CRHR1: variants seen among roughly 807,000 people sequenced by gnomAD.
CRHR1 encodes the protein corticotropin releasing hormone receptor 1, also known as corticotropin-releasing hormone receptor 1.
A neutral mutation model predicts 56.0 loss-of-function variants in CRHR1; 28 were observed. The ratio of observed to expected loss-of-function variants is 0.50; its 90% CI spans 0.37 to 0.69. CRHR1 has a LOEUF of 0.69. CRHR1 is among the 30% of genes least tolerant of loss of function. The pLI is 0.00. For synonymous variants in CRHR1, 195 were observed against 216.5 expected, an observed-to-expected ratio of 0.90 and a Z score of 0.87; for missense variants, 376 against 548.0, an observed-to-expected ratio of 0.69 and a Z score of 3.13.
At chr17:45,829,666 T>C (rs1019989915) in intron 5 of CRHR1, 2 of 1,549,030 alleles carry the variant, frequency 1.3e-6, no homozygotes, top group Non-Finnish European at 1.7e-6. Flanking sequence ...GCCCCAGCAC[T>C]ACCGCCAAGG....
intron 1 of CRHR1, among the ~76,000 whole-genome samples, chr17:45,805,199 T>G (rs1289031076): frequency 6.6e-6 from 1 of 152,220 alleles, no homozygotes; most frequent in East Asian, 1.9e-4. Context: ...ATCTTTCCTT[T>G]AAAAAGTTTT....
chr17:45,793,164 G>A (rs929465473), intron 1 of CRHR1, among the ~76,000 whole-genome samples: 3 of 152,238 alleles, frequency 2.0e-5, no homozygotes, highest in African/African-American at 7.2e-5. Flanking sequence ...GCTTATCAAG[G>A]GCTACGCGGC....
rs995951329 is a variant in CRHR1, at chr17:45,807,615, A to C, written c.121+518A>C. On this transcript the variant is annotated intron_variant, in intron 2 of 12. Coordinates refer to ENST00000314537, the MANE Select transcript of CRHR1 (RefSeq NM_004382.5). ...GTTGCCCCCATTTTACACATAAGAA[A>C]ACTGAGGCACAGAGAACTAGTAAGC... is the stretch of plus-strand genomic sequence containing the variant. Among the ~76,000 whole-genome samples, 3 of 152,284 alleles carry C rather than the reference A, an allele frequency of 2.0e-5. No homozygotes were observed. The East Asian group carries it at 5.8e-4, about 29-fold the overall frequency.
chr17:45,823,098 C>T (rs892063690), intron 4 of CRHR1, among the ~76,000 whole-genome samples: 2 of 149,190 alleles, frequency 1.3e-5, no homozygotes, highest in East Asian at 2.0e-4. Flanking sequence ...GAGCCCAGAT[C>T]GCGCCACAGC....
intron 1 of CRHR1, among the ~76,000 whole-genome samples, chr17:45,788,027 G>T (rs1422364882): frequency 5.3e-5 from 8 of 152,222 alleles, no homozygotes; most frequent in Non-Finnish European, 8.8e-5. Context: ...GAGCCAGTGA[G>T]GACGAGCTCA....
chr17:45,793,228 G>T (rs374050079), intron 1 of CRHR1, among the ~76,000 whole-genome samples: 1 of 152,238 alleles, frequency 6.6e-6, no homozygotes, highest in Admixed American at 6.5e-5. Flanking sequence ...TTCCGCCTCC[G>T]GTCCCCATAG....
In CRHR1 at chr17:45,835,088, T is replaced by C. The variant is rs2316765; in HGVS notation, c.*324T>C. ...CAGCACGCATGTCCCTCCAAGGCTG[T>C]CTTCTCCCAGAGCACAAGAAGGCCA... On this transcript the variant is annotated 3_prime_UTR_variant, in exon 13 of 13. Transcript: ENST00000314537. 53,435 of 340,356 alleles carry C rather than the reference T, an allele frequency of 0.16. 5,441 individuals are homozygous for C. The highest frequency in any genetic ancestry group is 0.21 in the Non-Finnish European group (39,328 of 185,600). The allele number at this position is 340,356 out of a possible 1,614,324, so 21.1% of individuals were successfully genotyped here.
At chr17:45,792,891 T>C (rs1245675999) in intron 1 of CRHR1, among the ~76,000 whole-genome samples, 2 of 152,020 alleles carry the variant, frequency 1.3e-5, no homozygotes, top group African/African-American at 4.8e-5. Context: ...GACTATGAGC[T>C]CTGCCTAGAC....
At chr17:45,792,323 C>T (rs1387075532) in intron 1 of CRHR1, among the ~76,000 whole-genome samples, 3 of 152,290 alleles carry the variant, frequency 2.0e-5, no homozygotes, top group Middle Eastern at 3.4e-3. Flanking sequence ...CTCCCAGGTT[C>T]TTTTAAGCAG....
intron 1 of CRHR1, among the ~76,000 whole-genome samples, chr17:45,787,076 C>A (rs2146248042): frequency 6.6e-6 from 1 of 152,322 alleles, no homozygotes; most frequent in Middle Eastern, 3.4e-3. Flanking sequence ...CCATCCCCAA[C>A]AAGTCAGCCA....
intron 2 of CRHR1, among the ~76,000 whole-genome samples, chr17:45,815,151 C>G (rs533531416): frequency 1.3e-5 from 2 of 152,354 alleles, no homozygotes; most frequent in East Asian, 3.9e-4. Flanking sequence ...AGGCTGCCCC[C>G]ACACGCGCTG....
chr17:45,804,234 G>A (rs78489072), intron 1 of CRHR1, among the ~76,000 whole-genome samples: 3 of 152,206 alleles, frequency 2.0e-5, no homozygotes, highest in African/African-American at 7.2e-5. Flanking sequence ...TGAGTGTCCC[G>A]TGTGCAGAGC....
chr17:45,795,599 G>A (rs1598400926), intron 1 of CRHR1, among the ~76,000 whole-genome samples: 1 of 152,290 alleles, frequency 6.6e-6, no homozygotes, highest in East Asian at 1.9e-4. Context: ...CTCCAGGTGA[G>A]AATCTCTGAG....
At chr17:45,792,191 G>A (rs947916157) in intron 1 of CRHR1, among the ~76,000 whole-genome samples, 7 of 152,152 alleles carry the variant, frequency 4.6e-5, no homozygotes, top group African/African-American at 9.7e-5. Context: ...CTTCCCAGAC[G>A]GGTAGGGCAA....
intron 10 of CRHR1, 50 bp from the exon 11 acceptor site, chr17:45,833,664 C>G (rs377696028): frequency 4.4e-6 from 7 of 1,604,916 alleles, no homozygotes; most frequent in Middle Eastern, 1.8e-4. Context: ...GCGGGCAGCC[C>G]GTCCTGGGGT....
intron 1 of CRHR1, among the ~76,000 whole-genome samples, chr17:45,793,849 CT>C (rs1221445388): frequency 2.0e-5 from 3 of 152,188 alleles, no homozygotes. Context: ...TCTCTGGACC[CT>C]TGTGTCCTCT....
In CRHR1 at chr17:45,829,228, T is replaced by C. The variant is rs1358507797; in HGVS notation, c.341T>C (p.Val114Ala). The C allele has an allele frequency of 6.2e-7, 1 of 1,613,866 alleles. No homozygotes were observed. Among genetic ancestry groups the C allele is most frequent in the Non-Finnish European group, 8.5e-7 (1 of 1,179,956 alleles). ...CTCCTGCTCCAGAAAAAAAGCAAGG[T>C]GCACTACCATGTCGCAGTCATCATC... ...EILNEEKKSK[V>A]HYHVAVIINY... The change falls in exon 5 of 13, where the codon GTG becomes GCG. Residue 114 changes from valine (V) to alanine (A), a missense_variant. By Grantham distance (64) the Val-to-Ala change is moderately conservative. Coordinates refer to ENST00000314537, the MANE Select transcript of CRHR1 (RefSeq NM_004382.5).
chr17:45,784,535 G>C lies in CRHR1; in HGVS notation c.-10G>C. ...CGGGCATTCAGGACGGTAGCCGAGC[G>C]AGCCCGAGGATGGGAGGGCACCCGC... On this transcript the variant is annotated 5_prime_UTR_variant, in exon 1 of 13. Coordinates refer to ENST00000314537, the MANE Select transcript of CRHR1 (RefSeq NM_004382.5). The surrounding 1 kb of genome is among the most constrained non-coding windows in gnomAD (Gnocchi z 4.2). 6.5e-7 allele frequency: 1 copy of C among 1,549,254 alleles called. No individual in the cohort carries two copies. Among genetic ancestry groups the C allele is most frequent in the South Asian group, 1.2e-5 (1 of 83,960 alleles).
intron 2 of CRHR1, among the ~76,000 whole-genome samples, chr17:45,808,513 G>A (rs1010271383): frequency 6.6e-6 from 1 of 152,240 alleles, no homozygotes; most frequent in South Asian, 2.1e-4. Context: ...CCCAAGTGTA[G>A]AGGGATAGGG....
Sources: gnomAD v4.1 joint callset for allele counts (sites outside exome capture counted in the v4.1 genomes callset) on GRCh38, gnomAD v4.1.1 for gene constraint, Gnocchi (gnomAD v3.1) non-coding constraint, MANE v1.5 for transcripts, NCBI Gene and HGNC (gene_info 2026-07-23, HGNC 2026-07-21) for gene names.